Variants in CNTN1 observed in about 807,000 individuals in gnomAD.
CNTN1 encodes contactin 1.
In CNTN1, 38 loss-of-function variants were observed where a neutral mutation model predicts 126.4. The observed-to-expected ratio is 0.30, with a 90% CI of 0.23 to 0.39. The LOEUF (loss-of-function observed/expected upper bound fraction) is 0.39, where lower values mean the gene tolerates loss of function less well. Among genes scored for constraint, CNTN1 ranks in the 10% least tolerant of loss-of-function variants. The pLI, the probability that CNTN1 is intolerant of heterozygous loss-of-function variation, is 1.00. For missense variants in CNTN1, 1,009 were observed against 1,248.4 expected (o/e 0.81, Z 2.89); for synonymous variants, 413 against 422.6 (o/e 0.98, Z 0.28).
At chr12:40,989,230 T>C (rs1948042358) in intron 16 of CNTN1, among the ~76,000 whole-genome samples, 1 of 152,136 alleles carries the variant, frequency 6.6e-6, no homozygotes. Context: ...GATCCAATAG[T>C]TCCTACCAGG....
chr12:40,953,838 C>A (rs1946772062), intron 14 of CNTN1, among the ~76,000 whole-genome samples: 1 of 151,870 alleles, frequency 6.6e-6, no homozygotes, highest in Admixed American at 6.6e-5. Context: ...GTATAAACAG[C>A]ACCATGTTTC....
At chr12:40,739,088 A>C (rs1443875197) in intron 1 of CNTN1, among the ~76,000 whole-genome samples, 2 of 152,088 alleles carry the variant, frequency 1.3e-5, no homozygotes, top group Non-Finnish European at 2.9e-5. Flanking sequence ...TTCTGGCATC[A>C]GTATGTTATA....
chr12:40,782,466 C>G (rs2136451952), intron 1 of CNTN1, among the ~76,000 whole-genome samples: 1 of 151,922 alleles, frequency 6.6e-6, no homozygotes, highest in African/African-American at 2.4e-5. Flanking sequence ...AAAATTTTTG[C>G]TAAAAGTAAG....
At chr12:41,019,107 G>A (rs1948848414) in intron 19 of CNTN1, among the ~76,000 whole-genome samples, 1 of 152,174 alleles carries the variant, frequency 6.6e-6, no homozygotes, top group Admixed American at 6.5e-5. Flanking sequence ...GGTGAACCGA[G>A]ATCGCGCCAT....
intron 9 of CNTN1, among the ~76,000 whole-genome samples, chr12:40,936,113 T>G (rs1356618282): frequency 6.6e-6 from 1 of 152,142 alleles, no homozygotes; most frequent in Non-Finnish European, 1.5e-5. Flanking sequence ...TAAAAATATT[T>G]TTTCTTTGGA....
At chr12:41,043,699 C>T (rs933721110) in intron 23 of CNTN1, among the ~76,000 whole-genome samples, 18 of 151,940 alleles carry the variant, frequency 1.2e-4, no homozygotes, top group Non-Finnish European at 2.5e-4. Flanking sequence ...CACATGCACA[C>T]GTATGTTTAT....
At chr12:40,971,424 C>T (rs751114525) in intron 15 of CNTN1, 3 of 1,592,894 alleles carry the variant, frequency 1.9e-6, no homozygotes, top group Non-Finnish European at 2.5e-6. Context: ...CTTGATCTTT[C>T]CTCTTGCAGG....
intron 23 of CNTN1, among the ~76,000 whole-genome samples, chr12:41,046,528 A>T (rs1239066584): frequency 6.6e-6 from 1 of 152,084 alleles, no homozygotes; most frequent in East Asian, 1.9e-4. Context: ...TGATACTTTT[A>T]TAAATGAATT....
chr12:40,934,057 G>A (rs1463815796), intron 9 of CNTN1, among the ~76,000 whole-genome samples, 179 bp downstream of exon 9: 1 of 152,042 alleles, frequency 6.6e-6, no homozygotes, highest in Non-Finnish European at 1.5e-5. Flanking sequence ...ATGAGTTATA[G>A]AAGTTACGAA....
At chr12:40,834,178 G>A (rs897040297) in intron 1 of CNTN1, among the ~76,000 whole-genome samples, 1 of 152,098 alleles carries the variant, frequency 6.6e-6, no homozygotes, top group African/African-American at 2.4e-5. Flanking sequence ...TCACAAGATC[G>A]TATCTTTTGG....
At chr12:40,780,059 C>T (rs1051247653) in intron 1 of CNTN1, among the ~76,000 whole-genome samples, 1 of 151,826 alleles carries the variant, frequency 6.6e-6, no homozygotes, top group Admixed American at 6.6e-5. Context: ...GCCTTCAGAC[C>T]GAAGTGTGTT....
At chr12:40,931,462 G>A (rs1450480462) in intron 7 of CNTN1, among the ~76,000 whole-genome samples, 2 of 151,864 alleles carry the variant, frequency 1.3e-5, no homozygotes, top group Non-Finnish European at 2.9e-5. Context: ...CTTTGCAAGA[G>A]ACTTCAAGTT....
At chr12:41,025,994 GA>G (rs1201649155) in intron 21 of CNTN1, among the ~76,000 whole-genome samples, 14 of 152,156 alleles carry the variant, frequency 9.2e-5, no homozygotes, top group African/African-American at 3.4e-4. Context: ...GAAAATTTAT[GA>G]AATTCACTTT....
At chr12:40,704,261 A>G (rs530233038) in intron 1 of CNTN1, among the ~76,000 whole-genome samples, 91 of 152,296 alleles carry the variant, frequency 6.0e-4, no homozygotes, top group African/African-American at 2.1e-3. Flanking sequence ...TAATTTCAAA[A>G]ATGTTAAAAT....
chr12:40,813,354 C>A lies in CNTN1; in HGVS notation c.-76-95003C>A, dbSNP rs1306788640. Among the ~76,000 whole-genome samples the A allele has an allele frequency of 3.3e-5, 5 of 151,900 alleles. No individual in the cohort carries two copies. In the East Asian group the frequency reaches 9.7e-4, roughly 29 times the overall value. On this transcript the variant is annotated intron_variant, in intron 1 of 23. Transcript: ENST00000551295. ...TAAGTTCCCTCCCCTCAACCCCCAA[C>A]CCACAACAGGCCAGGGTATGTGTTG...
intron 1 of CNTN1, among the ~76,000 whole-genome samples, chr12:40,871,128 G>A (rs1414183360): frequency 6.7e-6 from 1 of 149,662 alleles, no homozygotes; most frequent in African/African-American, 2.4e-5. Context: ...TTCTTTGTTG[G>A]GAGTCAGTTA....
chr12:41,017,015 C>A (rs1276791732), intron 19 of CNTN1, 99 bp downstream of exon 19: 3 of 925,126 alleles, frequency 3.2e-6, no homozygotes, highest in African/African-American at 3.3e-5. Context: ...CTTATTAAGA[C>A]CTTTTTATAG....
intron 21 of CNTN1, among the ~76,000 whole-genome samples, chr12:41,025,650 A>G (rs113528201): frequency 3.4e-4 from 52 of 152,316 alleles, no homozygotes; most frequent in African/African-American, 1.2e-3. Flanking sequence ...CATTGTTTTC[A>G]TAGGAGTACA....
intron 5 of CNTN1, 124 bp downstream of exon 5, chr12:40,922,552 G>A: frequency 1.2e-6 from 1 of 836,510 alleles, no homozygotes; most frequent in South Asian, 1.4e-5. Context: ...AAGATGAGTG[G>A]ACCCTAATTG....
Sources: allele counts gnomAD v4.1 joint callset (sites outside exome capture counted in the v4.1 genomes callset), GRCh38; gene constraint gnomAD v4.1.1; transcripts MANE v1.5; gene names NCBI Gene and HGNC (gene_info 2026-07-23, HGNC 2026-07-21).